Variants in BPIFB2 observed in about 807,000 individuals in gnomAD.
BPIFB2 encodes BPI fold containing family B member 2, also known as BPI fold-containing family B member 2.
Under a neutral mutation model 50.1 loss-of-function variants are expected in BPIFB2, and 39 were observed. That is an observed-to-expected ratio of 0.78 (90% CI 0.60 to 1.02). The LOEUF is 1.02. Ranked by LOEUF, BPIFB2 falls within the 50% of genes least tolerant of loss-of-function variation. BPIFB2 has a pLI of 0.00. For missense variants in BPIFB2, 574 were observed against 585.8 expected, an observed-to-expected ratio of 0.98 and a Z score of 0.21; for synonymous variants, 280 against 256.3, an observed-to-expected ratio of 1.09 and a Z score of -0.88.
At chr20:33,017,736 A>G (rs1978488331) in intron 7 of BPIFB2, among the ~76,000 whole-genome samples, 1 of 152,174 alleles carries the variant, frequency 6.6e-6, no homozygotes, top group Non-Finnish European at 1.5e-5. Context: ...AGGTATTACA[A>G]TCCTGGGCAA....
chr20:33,013,979 G>T (rs772837043), intron 5 of BPIFB2, 23 bp downstream of exon 5: 1 of 1,602,070 alleles, frequency 6.2e-7, no homozygotes, highest in Non-Finnish European at 8.5e-7. Flanking sequence ...TGAGGGCAGG[G>T]TCACAGGAAT....
At chr20:33,007,971 T>G (rs1043969917) in intron 1 of BPIFB2, among the ~76,000 whole-genome samples, 1 of 152,162 alleles carries the variant, frequency 6.6e-6, no homozygotes, top group African/African-American at 2.4e-5. Flanking sequence ...TCTCCCTGAG[T>G]CAGACACAGA....
At position 33,012,594 on chromosome 20, in the gene BPIFB2, T is replaced by C. The variant is rs199582131; in HGVS notation, c.204-209T>C. Among the ~76,000 whole-genome samples, 3 of 152,304 alleles carry C rather than the reference T, an allele frequency of 2.0e-5. No homozygotes were observed. In the East Asian group the frequency reaches 5.8e-4, roughly 29 times the overall value. On this transcript the variant is annotated intron_variant, in intron 3 of 15. Transcript: ENST00000170150. ...GTCCTGCCCGAAGCGGGGGCCCCTC[T>C]GCATGTTCTCCCTACCAGCTGGTGT...
rs575287549 is a variant in BPIFB2 at position 33,023,080 on chromosome 20, G to T, written c.1336-262G>T. ...ATGGTTCTGGGCTCCCATTCATAAA[G>T]CATCAGTGGTATCCACCATCGGAGC... On this transcript the variant is annotated intron_variant, in intron 15 of 15. Transcript: ENST00000170150. Among the ~76,000 whole-genome samples, 16 of 152,318 alleles carry T rather than the reference G, an allele frequency of 1.1e-4. 1 individual carries two copies. The highest frequency in any genetic ancestry group is 3.8e-4 in the African/African-American group (16 of 41,564).
At chr20:33,020,279 C>T (rs1039386018) in intron 11 of BPIFB2, 49 bp from the exon 12 acceptor site, 1 of 1,575,022 alleles carries the variant, frequency 6.3e-7, no homozygotes, top group African/African-American at 1.4e-5. Context: ...TGGCTGGTGC[C>T]CCCCTCATGG....
chr20:33,008,196 A>G (rs1262536342), intron 1 of BPIFB2, among the ~76,000 whole-genome samples: 2 of 152,136 alleles, frequency 1.3e-5, no homozygotes, highest in Non-Finnish European at 2.9e-5. Context: ...TCTTCTTGGG[A>G]CAGGAAACTA....
At chr20:33,019,856 G>A (rs765116291) in intron 11 of BPIFB2, 106 bp downstream of exon 11, 817 of 1,335,478 alleles carry the variant, frequency 6.1e-4, no homozygotes, top group Non-Finnish European at 7.7e-4. Flanking sequence ...TGTCTTCGCT[G>A]TTCCTTGAAT....
rs375244658 is a variant in BPIFB2, at chr20:33,017,136, C to A, written c.577+34C>A. On this transcript the variant is annotated intron_variant, in intron 7 of 15. Coordinates refer to ENST00000170150, the MANE Select transcript of BPIFB2 (RefSeq NM_025227.3). The stretch of plus-strand genomic sequence containing the variant: ...TGGGAGCCAGGGGAGGGGGCTGGGG[C>A]CTCTGGGACCCCCTGGAGCCCCTAG... 2.2e-5 allele frequency: 35 copies of A among 1,599,028 alleles called. No homozygotes were observed. In the African/African-American group the frequency reaches 3.2e-4, roughly 15 times the overall value.
chr20:33,013,418 G>T (rs1362952617), intron 4 of BPIFB2, among the ~76,000 whole-genome samples: 1 of 152,098 alleles, frequency 6.6e-6, no homozygotes, highest in Non-Finnish European at 1.5e-5. Flanking sequence ...TGCTTCCTGT[G>T]GGCCAGGCTC....
chr20:33,018,868 C>T (rs1304491341), intron 9 of BPIFB2, 46 bp downstream of exon 9: 2 of 1,587,164 alleles, frequency 1.3e-6, no homozygotes, highest in Non-Finnish European at 1.7e-6. Context: ...CAAGAGCTCC[C>T]TGTGGCCCAG....
chr20:33,016,148 C>T (rs1391776816), intron 6 of BPIFB2, among the ~76,000 whole-genome samples: 6 of 152,090 alleles, frequency 3.9e-5, no homozygotes, highest in East Asian at 1.9e-4. Context: ...ATCCCAACCC[C>T]ACTACTGCTT....
intron 3 of BPIFB2, among the ~76,000 whole-genome samples, chr20:33,011,630 A>G (rs1272402839): frequency 1.3e-5 from 2 of 152,218 alleles, no homozygotes; most frequent in African/African-American, 4.8e-5. Context: ...TTGGGTTTCC[A>G]AGAGAAGATA....
rs142907030 is a variant in BPIFB2, at chr20:33,008,484, G to A, written c.-34-57G>A. 522 of 1,054,816 alleles carry A rather than the reference G, an allele frequency of 4.9e-4. 11 individuals carry two copies. In the East Asian group the frequency reaches 0.014, roughly 28 times the overall value. 65.3% of individuals were successfully genotyped at this position (1,054,816 alleles called of 1,614,324 possible). On this transcript the variant is annotated intron_variant, in intron 1 of 15. Transcript: ENST00000170150. Reference sequence around the variant, plus strand: ...TCCCTCCAGGCTGGAGTGGGGTTCGGGTGGCTCAGGGGTGGGCTGTTTTGG... The same window carrying A: ...TCCCTCCAGGCTGGAGTGGGGTTCGAGTGGCTCAGGGGTGGGCTGTTTTGG...
intron 15 of BPIFB2, 42 bp from the exon 16 acceptor site, chr20:33,023,300 G>C (rs550532174): frequency 6.3e-7 from 1 of 1,598,622 alleles, no homozygotes; most frequent in South Asian, 1.1e-5. Context: ...GGTCCTGCCT[G>C]TGCCTCCTCT....
intron 4 of BPIFB2, 133 bp from the exon 5 acceptor site, chr20:33,013,677 A>C: frequency 7.6e-7 from 1 of 1,308,936 alleles, no homozygotes; most frequent in African/African-American, 1.5e-5. Context: ...GGGCCATCTC[A>C]CTCTGGGAGT....
At position 33,012,886 on chromosome 20, in the gene BPIFB2, A is replaced by G; in HGVS notation, c.287A>G (p.Asn96Ser). Residue 96 changes from asparagine (N) to serine (S), a missense_variant, in exon 4 of 16, where the codon AAT (asparagine) becomes AGT (serine). By Grantham distance (46) the Asn-to-Ser change is conservative (BLOSUM62 1). Coordinates refer to ENST00000170150, the MANE Select transcript of BPIFB2 (RefSeq NM_025227.3). ...GGAGTGCGCCTGCTGGCAGCAGCTA[A>G]TTTTACTTTCAAGGTCTTTCGGTGA... Reference protein sequence around the residue: ...GFGVRLLAAANFTFKVFRAPE... With the variant: ...GFGVRLLAAASFTFKVFRAPE... 6.2e-7 allele frequency: 1 copy of G among 1,613,362 alleles called. No homozygotes were observed. The highest frequency in any genetic ancestry group is 8.5e-7 in the Non-Finnish European group (1 of 1,179,438).
At chr20:33,021,689 CA>C (rs776353294) in intron 14 of BPIFB2, 33 bp from the exon 15 acceptor site, 32 of 1,605,816 alleles carry the variant, frequency 2.0e-5, no homozygotes, top group Non-Finnish European at 2.7e-5. Flanking sequence ...AGGCTGGCTC[CA>C]GGGGACGATC....
chr20:33,009,600 C>T lies in BPIFB2; in HGVS notation c.109+917C>T, dbSNP rs1300306027. On this transcript the variant is annotated intron_variant, in intron 2 of 15. Transcript: ENST00000170150. The surrounding 1 kb of genome is among the most constrained non-coding windows in gnomAD (Gnocchi z 4.2). The stretch of plus-strand genomic sequence containing the variant: ...CCTGGGTAAACACAGCCTTCCGGGA[C>T]CTCATATCCGGGCTGATGGGCAGGC... 6.6e-6 allele frequency among the ~76,000 whole-genome samples: 1 copy of T among 152,172 alleles called. No individual in the cohort carries two copies. The highest frequency in any genetic ancestry group is 1.5e-5 in the Non-Finnish European group (1 of 68,030).
At chr20:33,021,446 C>T in intron 14 of BPIFB2, 102 bp downstream of exon 14, 1 of 1,343,260 alleles carries the variant, frequency 7.4e-7, no homozygotes, top group Non-Finnish European at 1.0e-6. Context: ...CCCAGGCTCA[C>T]AGGGTGAGAG....
Sources: gnomAD v4.1 joint callset for allele counts (sites outside exome capture counted in the v4.1 genomes callset) on GRCh38, gnomAD v4.1.1 for gene constraint, Gnocchi (gnomAD v3.1) non-coding constraint, MANE v1.5 for transcripts, NCBI Gene and HGNC (gene_info 2026-07-23, HGNC 2026-07-21) for gene names.